Variants in ZNF385D observed in about 807,000 individuals in gnomAD.
The protein encoded by ZNF385D is zinc finger protein 385D.
Under a neutral mutation model 35.8 loss-of-function variants are expected in ZNF385D, and 15 were observed. The ratio of observed to expected loss-of-function variants is 0.42; its 90% CI spans 0.28 to 0.64. The LOEUF is 0.64. Among genes scored for constraint, ZNF385D ranks in the 30% least tolerant of loss-of-function variants. The pLI is 0.23. For synonymous variants in ZNF385D, 212 were observed against 186.8 expected, an observed-to-expected ratio of 1.13 and a Z score of -1.10; for missense variants, 474 against 494.6, an observed-to-expected ratio of 0.96 and a Z score of 0.39.
intron 3 of ZNF385D, among the ~76,000 whole-genome samples, chr3:22,145,691 T>A (rs752930485): frequency 6.6e-6 from 1 of 152,138 alleles, no homozygotes; most frequent in South Asian, 2.1e-4. Flanking sequence ...CAGGAAGAAA[T>A]CAGACCTAAT....
chr3:22,224,220 AGT>A (rs1698425707), intron 2 of ZNF385D, among the ~76,000 whole-genome samples: 1 of 152,206 alleles, frequency 6.6e-6, no homozygotes, highest in Non-Finnish European at 1.5e-5. Context: ...AGATGAAGAA[AGT>A]GTTATTTCAT....
intron 2 of ZNF385D, among the ~76,000 whole-genome samples, chr3:21,621,864 A>AGT (rs1375391029): frequency 6.9e-5 from 5 of 72,422 alleles, no homozygotes; most frequent in African/African-American, 2.7e-4. Context: ...ACCTGTTACC[A>AGT]CTGTGTGTGT....
chr3:21,741,635 T>G (rs887511413), intron 1 of ZNF385D, among the ~76,000 whole-genome samples: 11 of 151,522 alleles, frequency 7.3e-5, no homozygotes, highest in African/African-American at 2.2e-4. Context: ...TTGCCTTGTT[T>G]TTTTTTTTAA....
At chr3:21,760,488 C>T (rs566162091) in intron 3 of ZNF385D, among the ~76,000 whole-genome samples, 21 of 152,204 alleles carry the variant, frequency 1.4e-4, no homozygotes, top group East Asian at 3.9e-4. Flanking sequence ...TGCAGTGGGA[C>T]GTTATTACTG....
At chr3:21,519,508 C>G (rs866055575) in intron 3 of ZNF385D, among the ~76,000 whole-genome samples, 2 of 152,092 alleles carry the variant, frequency 1.3e-5, no homozygotes, top group Non-Finnish European at 2.9e-5. Flanking sequence ...GAAACCCTTG[C>G]TTTTGTATAT....
intron 4 of ZNF385D, among the ~76,000 whole-genome samples, chr3:21,497,156 G>A (rs1387918619): frequency 6.6e-6 from 1 of 152,032 alleles, no homozygotes; most frequent in African/African-American, 2.4e-5. Context: ...AAACCCCATA[G>A]TCTCTGCCCA....
intron 4 of ZNF385D, among the ~76,000 whole-genome samples, chr3:21,439,246 T>C (rs1272330542): frequency 1.3e-5 from 2 of 148,650 alleles, no homozygotes; most frequent in African/African-American, 5.0e-5. Context: ...AAGTAGTATA[T>C]TGTGAGCCCG....
Position 21,592,545 on chromosome 3 carries a change from AAAAAAAAAAACCAAAAAC to A in ZNF385D, c.166-27879_166-27862del, listed in dbSNP as rs1258536249. On this transcript the variant is annotated intron_variant, in intron 2 of 7. Coordinates refer to ENST00000281523, the MANE Select transcript of ZNF385D (RefSeq NM_024697.3). ...CCTTAGTAATTTTGTCTTCATGGCA[AAAAAAAAAAACCAAAAAC>A]AAAAAAAAAAAACAATTATTGCATT... Among the ~76,000 whole-genome samples, 10 of 109,440 alleles carry A rather than the reference AAAAAAAAAAACCAAAAAC, an allele frequency of 9.1e-5. 1 individual carries two copies. Among genetic ancestry groups the A allele is most frequent in the Admixed American group, 9.1e-5 (1 of 10,980 alleles). The allele number at this position is 109,440 out of a possible 152,430, so 71.8% of individuals were successfully genotyped here. A position where few individuals can be genotyped will look rare whatever the true frequency, so the allele number is the denominator to read the frequency against.
chr3:21,824,271 G>A lies in ZNF385D; in HGVS notation c.326-159243C>T, dbSNP rs562669286. On this transcript the variant is annotated intron_variant, in intron 3 of 5. Coordinates refer to the ZNF385D transcript ENST00000494108. ...GTTATATTCAAAACGACATATCTAC[G>A]TGTTTGATAATTCTTTTTTAAAAGG... is the stretch of plus-strand genomic sequence containing the variant. Among the ~76,000 whole-genome samples the A allele has an allele frequency of 3.9e-5, 6 of 152,164 alleles. No individual in the cohort carries two copies. The South Asian group carries it at 6.2e-4, about 16-fold the overall frequency.
chr3:21,981,614 G>A (rs34863812), intron 3 of ZNF385D, among the ~76,000 whole-genome samples: 285 of 152,226 alleles, frequency 1.9e-3, no homozygotes, highest in Middle Eastern at 3.4e-3. Flanking sequence ...TGCTTTTGGT[G>A]TCTTTGTCAT....
At chr3:22,306,662 C>G (rs538259975) in intron 2 of ZNF385D, among the ~76,000 whole-genome samples, 2 of 152,034 alleles carry the variant, frequency 1.3e-5, no homozygotes, top group African/African-American at 4.8e-5. Flanking sequence ...CGCTATGTTT[C>G]TTCTTCTGAT....
chr3:22,333,216 C>T (rs1302128990), intron 2 of ZNF385D, among the ~76,000 whole-genome samples: 1 of 152,124 alleles, frequency 6.6e-6, no homozygotes, highest in African/African-American at 2.4e-5. Flanking sequence ...TCTCAGGCTG[C>T]TTTCAATATT....
At chr3:21,531,824 T>C (rs1209070696) in intron 3 of ZNF385D, among the ~76,000 whole-genome samples, 1 of 152,204 alleles carries the variant, frequency 6.6e-6, no homozygotes, top group Non-Finnish European at 1.5e-5. Flanking sequence ...ACAAATATTA[T>C]TCTAAATCTG....
chr3:21,871,314 C>T (rs1249635158), intron 3 of ZNF385D, among the ~76,000 whole-genome samples: 2 of 152,134 alleles, frequency 1.3e-5, no homozygotes, highest in Admixed American at 6.6e-5. Flanking sequence ...ACTCTCATCA[C>T]ACAGCAATCC....
chr3:21,614,943 A>T (rs2064802169), intron 2 of ZNF385D, among the ~76,000 whole-genome samples: 1 of 152,202 alleles, frequency 6.6e-6, no homozygotes, highest in Non-Finnish European at 1.5e-5. Context: ...ACTCAGACAC[A>T]TGGCTGTACT....
At chr3:21,783,351 G>A (rs547603040) in intron 3 of ZNF385D, among the ~76,000 whole-genome samples, 1 of 152,182 alleles carries the variant, frequency 6.6e-6, no homozygotes, top group African/African-American at 2.4e-5. Flanking sequence ...TATTTCCAGT[G>A]GAACAGAGGG....
intron 3 of ZNF385D, among the ~76,000 whole-genome samples, chr3:22,022,495 A>G (rs890019151): frequency 6.6e-6 from 1 of 152,108 alleles, no homozygotes; most frequent in Non-Finnish European, 1.5e-5. Flanking sequence ...CCACTCTATG[A>G]TCCTAGTTCA....
chr3:21,443,087 G>C, intron 4 of ZNF385D: 1 of 969,700 alleles, frequency 1.0e-6, no homozygotes, highest in Non-Finnish European at 1.2e-6. Flanking sequence ...TATAGCTGTA[G>C]AAAGTGCTTT....
intron 2 of ZNF385D, among the ~76,000 whole-genome samples, chr3:22,319,023 G>T (rs1407967776): frequency 6.6e-6 from 1 of 152,118 alleles, no homozygotes; most frequent in Non-Finnish European, 1.5e-5. Context: ...TAAAATGTTT[G>T]CAGGGCAGGC....
Sources: allele counts gnomAD v4.1 joint callset (sites outside exome capture counted in the v4.1 genomes callset), GRCh38; gene constraint gnomAD v4.1.1; transcripts MANE v1.5; gene names NCBI Gene and HGNC (gene_info 2026-07-23, HGNC 2026-07-21).